SLBP: variants seen among roughly 807,000 people sequenced by gnomAD.
SLBP encodes stem-loop histone mRNA binding protein.
Under a neutral mutation model 39.2 loss-of-function variants are expected in SLBP, and 29 were observed. The ratio of observed to expected loss-of-function variants is 0.74; its 90% CI spans 0.55 to 1.01. SLBP has a LOEUF of 1.01. Ranked by LOEUF, SLBP falls within the 50% of genes least tolerant of loss-of-function variation. SLBP has a pLI of 0.00. For synonymous variants in SLBP, 129 were observed against 118.7 expected (o/e 1.09, Z -0.57); for missense variants, 390 against 350.2 (o/e 1.11, Z -0.91).
In SLBP at chr4:1,708,841, A is replaced by G. The variant is rs139253033; in HGVS notation, c.176+3033T>C. On this transcript the variant is annotated intron_variant, in intron 2 of 7. Coordinates refer to ENST00000489418, the MANE Select transcript of SLBP (RefSeq NM_006527.4). ...CAGGCATTATCCACAATGTGCAAAT[A>G]CCAAGTGCAAAGGCCCTAGGACAGA... 2.6e-5 allele frequency among the ~76,000 whole-genome samples: 4 copies of G among 152,354 alleles called. No homozygotes were observed. In the East Asian group the frequency reaches 7.7e-4, roughly 29 times the overall value.
At chr4:1,707,421 A>C (rs934790828) in intron 2 of SLBP, among the ~76,000 whole-genome samples, 1 of 150,998 alleles carries the variant, frequency 6.6e-6, no homozygotes, top group Non-Finnish European at 1.5e-5. Context: ...CAGGAGAATC[A>C]CTTGAACCTG....
intron 5 of SLBP, among the ~76,000 whole-genome samples, chr4:1,698,185 C>A (rs1716190511): frequency 6.6e-6 from 1 of 151,216 alleles, no homozygotes; most frequent in African/African-American, 2.4e-5. Context: ...TATGGTAAAA[C>A]CCCATCTCTA....
Position 1,712,282 on chromosome 4 carries a change from C to A in SLBP, c.-94G>T. On this transcript the variant is annotated 5_prime_UTR_variant, in exon 1 of 8. Coordinates refer to ENST00000489418, the MANE Select transcript of SLBP (RefSeq NM_006527.4). ...GAGTAGAGCAGGGCAGGGCCTGAGG[C>A]AGAAACCCGCGTCCCCGCGCCGGCG... 1.3e-6 allele frequency: 1 copy of A among 771,432 alleles called. No individual in the cohort carries two copies. Among genetic ancestry groups the A allele is most frequent in the South Asian group, 2.7e-5 (1 of 37,550 alleles). The allele number at this position is 771,432 out of a possible 1,614,324, so 47.8% of individuals were successfully genotyped here.
chr4:1,703,073 C>A (rs1716386377), intron 3 of SLBP, among the ~76,000 whole-genome samples: 1 of 151,812 alleles, frequency 6.6e-6, no homozygotes, highest in African/African-American at 2.4e-5. Context: ...CCCATCTCTA[C>A]AAAAAATACA....
chr4:1,706,020 A>G (rs1476356434), intron 2 of SLBP, among the ~76,000 whole-genome samples: 1 of 152,212 alleles, frequency 6.6e-6, no homozygotes, highest in African/African-American at 2.4e-5. Context: ...ACAGTGGCTC[A>G]TACTTGTAAT....
intron 2 of SLBP, among the ~76,000 whole-genome samples, chr4:1,709,667 A>C (rs1208135422): frequency 7.0e-6 from 1 of 143,352 alleles, no homozygotes; most frequent in Non-Finnish European, 1.5e-5. Flanking sequence ...GCTGGAGTGT[A>C]GTGGGGCGAT....
chr4:1,705,990 A>C (rs917196924), intron 2 of SLBP, among the ~76,000 whole-genome samples: 1 of 152,178 alleles, frequency 6.6e-6, no homozygotes, highest in Admixed American at 6.5e-5. Flanking sequence ...ATCTCAAAAA[A>C]ATATATATGG....
At chr4:1,696,883 C>T (rs568640852) in intron 5 of SLBP, among the ~76,000 whole-genome samples, 1 of 145,266 alleles carries the variant, frequency 6.9e-6, no homozygotes, top group African/African-American at 2.6e-5. Flanking sequence ...GGCAACACAG[C>T]GAGACTTCAC....
intron 2 of SLBP, among the ~76,000 whole-genome samples, chr4:1,709,189 G>C (rs1373346270): frequency 6.6e-6 from 1 of 151,776 alleles, no homozygotes; most frequent in African/African-American, 2.4e-5. Flanking sequence ...TCAACCTCCC[G>C]AGTAGCTGGG....
At chr4:1,700,231 A>T (rs1010293292) in intron 3 of SLBP, 161 bp from the exon 4 acceptor site, 1 of 472,942 alleles carries the variant, frequency 2.1e-6, no homozygotes, top group Non-Finnish European at 3.7e-6. Context: ...TTAAGTAGTG[A>T]GATCCACACA....
rs1362309248 is a variant in SLBP at position 1,712,265 on chromosome 4, C to T, written c.-77G>A. 3 of 926,388 alleles carry T rather than the reference C, an allele frequency of 3.2e-6. No homozygotes were observed. Among genetic ancestry groups the T allele is most frequent in the Non-Finnish European group, 4.4e-6 (3 of 686,920 alleles). 57.4% of individuals were successfully genotyped at this position (926,388 alleles called of 1,614,324 possible). A position where few individuals can be genotyped will look rare whatever the true frequency, so the allele number is the denominator to read the frequency against. ...CGCGGGCAGAGAGCGCAGAGTAGAG[C>T]AGGGCAGGGCCTGAGGCAGAAACCC... On this transcript the variant is annotated 5_prime_UTR_variant, in exon 1 of 8. Coordinates refer to ENST00000489418, the MANE Select transcript of SLBP (RefSeq NM_006527.4).
chr4:1,704,881 G>C (rs1364479163), intron 2 of SLBP, among the ~76,000 whole-genome samples: 1 of 151,916 alleles, frequency 6.6e-6, no homozygotes, highest in African/African-American at 2.4e-5. Flanking sequence ...GTATGATCCT[G>C]TACTTGCCAA....
At chr4:1,697,566 T>G (rs987265431) in intron 5 of SLBP, among the ~76,000 whole-genome samples, 2 of 145,364 alleles carry the variant, frequency 1.4e-5, no homozygotes, top group African/African-American at 5.1e-5. Flanking sequence ...CCGGGCCGGG[T>G]GCGGTGGCTC....
chr4:1,705,430 G>T (rs933468161), intron 2 of SLBP, among the ~76,000 whole-genome samples: 24 of 152,216 alleles, frequency 1.6e-4, no homozygotes, highest in African/African-American at 5.5e-4. Flanking sequence ...CCCACCCCAG[G>T]AGTGTTTGGA....
chr4:1,702,082 C>T (rs1577182241), intron 3 of SLBP, among the ~76,000 whole-genome samples: 1 of 152,146 alleles, frequency 6.6e-6, no homozygotes, highest in East Asian at 1.9e-4. Flanking sequence ...GTGGAATACG[C>T]ATGAATAAGA....
chr4:1,692,906 C>T lies in SLBP; in HGVS notation c.*691G>A, dbSNP rs1475277332. ...TGAATATTTGAACAGAAAATCTGTACACATTATCATTTACAGCAATTTTAC... is the reference window on the plus strand; with the variant it reads ...TGAATATTTGAACAGAAAATCTGTATACATTATCATTTACAGCAATTTTAC... On this transcript the variant is annotated 3_prime_UTR_variant, in exon 8 of 8. Transcript: ENST00000489418. 6.6e-6 allele frequency: 1 copy of T among 152,610 alleles called. No individual in the cohort carries two copies. The highest frequency in any genetic ancestry group is 1.5e-5 in the Non-Finnish European group (1 of 68,038). 9.5% of individuals were successfully genotyped at this position (152,610 alleles called of 1,614,324 possible).
Position 1,712,165 on chromosome 4 carries a change from C to A in SLBP, c.24G>T (p.Pro8=). Residue 8 remains proline (P), a synonymous_variant, in exon 1 of 8, where the codon CCG becomes CCT. Coordinates refer to ENST00000489418, the MANE Select transcript of SLBP (RefSeq NM_006527.4). ...CGTCGCAGCGGCTCTGATGCCTCGG[C>A]GGGCTTCGCGGGCGGCAGGCCATGG... is the stretch of plus-strand genomic sequence containing the variant. The part of the protein sequence containing the change: MACRPRS[P]PRHQSRCDGD... The A allele has an allele frequency of 8.1e-7, 1 of 1,234,298 alleles. No individual in the cohort carries two copies. Among genetic ancestry groups the A allele is most frequent in the Non-Finnish European group, 1.0e-6 (1 of 991,690 alleles). 76.5% of individuals were successfully genotyped at this position (1,234,298 alleles called of 1,614,324 possible). A position where few individuals can be genotyped will look rare whatever the true frequency, so the allele number is the denominator to read the frequency against.
chr4:1,709,464 T>G (rs1356910374), intron 2 of SLBP, among the ~76,000 whole-genome samples: 1 of 152,204 alleles, frequency 6.6e-6, no homozygotes, highest in Non-Finnish European at 1.5e-5. Context: ...GTGGACAGAT[T>G]TGCAGGCTCC....
chr4:1,696,880 C>T (rs995667630), intron 5 of SLBP, among the ~76,000 whole-genome samples: 1 of 146,756 alleles, frequency 6.8e-6, no homozygotes, highest in African/African-American at 2.5e-5. Context: ...ATGGGCAACA[C>T]AGCGAGACTT....
Sources: gnomAD v4.1 joint callset for allele counts (sites outside exome capture counted in the v4.1 genomes callset) on GRCh38, gnomAD v4.1.1 for gene constraint, MANE v1.5 for transcripts, NCBI Gene and HGNC (gene_info 2026-07-23, HGNC 2026-07-21) for gene names.